GPM6A: variants seen among roughly 807,000 people sequenced by gnomAD.
GPM6A encodes the protein neuronal membrane glycoprotein M6-a.
A neutral mutation model predicts 32.1 loss-of-function variants in GPM6A; 7 were observed. The ratio of observed to expected loss-of-function variants is 0.22; its 90% CI spans 0.12 to 0.41. The LOEUF is 0.41. Ranked by LOEUF, GPM6A falls within the 10% of genes least tolerant of loss-of-function variation. GPM6A has a pLI of 1.00. For synonymous variants in GPM6A, 130 were observed against 123.4 expected (o/e 1.05, Z -0.35); for missense variants, 235 against 347.2 (o/e 0.68, Z 2.57).
At chr4:175,794,403 C>A (rs533453440) in intron 1 of GPM6A, among the ~76,000 whole-genome samples, 1 of 152,282 alleles carries the variant, frequency 6.6e-6, no homozygotes, top group African/African-American at 2.4e-5. Flanking sequence ...TTTGGATCTT[C>A]TGTAGTTTAA....
At chr4:175,855,427 A>C (rs1365989889) in intron 1 of GPM6A, among the ~76,000 whole-genome samples, 1 of 152,232 alleles carries the variant, frequency 6.6e-6, no homozygotes, top group African/African-American at 2.4e-5. Context: ...GCAGACTGTT[A>C]CAAGAGAATC....
chr4:175,707,634 A>C (rs770679359), intron 1 of GPM6A, among the ~76,000 whole-genome samples: 1 of 151,008 alleles, frequency 6.6e-6, no homozygotes, highest in South Asian at 2.1e-4. Context: ...TTTGGGCTTT[A>C]TTTCTTTTTT....
intron 1 of GPM6A, among the ~76,000 whole-genome samples, chr4:175,753,720 T>G (rs1413749496): frequency 6.6e-6 from 1 of 152,182 alleles, no homozygotes; most frequent in Non-Finnish European, 1.5e-5. Flanking sequence ...CTTTCTTTAC[T>G]TTCCAACCCA....
At chr4:175,860,124 G>A (rs935410292) in intron 1 of GPM6A, among the ~76,000 whole-genome samples, 8 of 151,714 alleles carry the variant, frequency 5.3e-5, no homozygotes, top group Non-Finnish European at 8.8e-5. Context: ...AAACTAAGCT[G>A]TTGTCTTGAG....
At chr4:175,636,088 C>T (rs977245729) in intron 6 of GPM6A, among the ~76,000 whole-genome samples, 11 of 151,376 alleles carry the variant, frequency 7.3e-5, no homozygotes, top group African/African-American at 2.2e-4. Context: ...AATTTTGACA[C>T]GGGATGTAGG....
At chr4:175,986,827 T>C (rs1165610175) in intron 1 of GPM6A, among the ~76,000 whole-genome samples, 1 of 152,168 alleles carries the variant, frequency 6.6e-6, no homozygotes, top group East Asian at 1.9e-4. Context: ...TGAGCTCTTG[T>C]TGATCAATGC....
chr4:175,655,176 C>T (rs761436845), intron 3 of GPM6A, among the ~76,000 whole-genome samples: 11 of 152,028 alleles, frequency 7.2e-5, no homozygotes, highest in East Asian at 1.9e-4. Flanking sequence ...TAAATCAGTG[C>T]GGTGAGAAAA....
chr4:175,901,153 TTGGGGGCAGCAGAGG>T (rs2111491083), intron 1 of GPM6A, among the ~76,000 whole-genome samples: 1 of 143,396 alleles, frequency 7.0e-6, no homozygotes, highest in African/African-American at 2.6e-5. Flanking sequence ...GAGGGCGAAG[TTGGGGGCAGCAGAGG>T]TGGGGGTGGT....
At chr4:175,864,913 C>A (rs553371555) in intron 1 of GPM6A, among the ~76,000 whole-genome samples, 6 of 151,946 alleles carry the variant, frequency 3.9e-5, no homozygotes, top group Admixed American at 1.3e-4. Context: ...TCAAGCAATT[C>A]TCCTGCCTCA....
At chr4:175,962,684 G>A (rs1740205144) in intron 1 of GPM6A, among the ~76,000 whole-genome samples, 1 of 152,052 alleles carries the variant, frequency 6.6e-6, no homozygotes. Context: ...AGTAAACACG[G>A]CCTAATTCCT....
At chr4:175,990,820 A>T (rs1404265634) in intron 1 of GPM6A, among the ~76,000 whole-genome samples, 1 of 152,080 alleles carries the variant, frequency 6.6e-6, no homozygotes, top group South Asian at 2.1e-4. Context: ...ACCAGGATGT[A>T]TTTATCATAT....
In GPM6A at chr4:175,694,985, A is replaced by T. The variant is rs938269071; in HGVS notation, c.230+6590T>A. ...CTCCAGCCATGGCTAAAAGACCCCC[A>T]AGTATACAACTCGGGCCACTGCTTC... On this transcript the variant is annotated intron_variant, in intron 2 of 6. Transcript: ENST00000393658. 2.6e-5 allele frequency among the ~76,000 whole-genome samples: 4 copies of T among 152,230 alleles called. No individual in the cohort carries two copies. In the South Asian group the frequency reaches 6.2e-4, roughly 24 times the overall value.
intron 1 of GPM6A, among the ~76,000 whole-genome samples, chr4:175,798,896 C>A (rs1335609384): frequency 6.6e-6 from 1 of 152,020 alleles, no homozygotes; most frequent in African/African-American, 2.4e-5. Flanking sequence ...TTATATTGCA[C>A]CAAAAGAGGT....
intron 1 of GPM6A, among the ~76,000 whole-genome samples, chr4:175,708,112 A>G (rs929499616): frequency 2.0e-5 from 3 of 146,986 alleles, no homozygotes; most frequent in Non-Finnish European, 4.6e-5. Context: ...AAGTAAACAA[A>G]ATCAATGAAA....
At chr4:175,778,646 A>T (rs1467150213) in intron 1 of GPM6A, among the ~76,000 whole-genome samples, 1 of 148,736 alleles carries the variant, frequency 6.7e-6, no homozygotes, top group Admixed American at 6.7e-5. Flanking sequence ...AAAAAAAAAA[A>T]AAAAGAAAAA....
chr4:175,826,832 A>C (rs1735454559), intron 1 of GPM6A, among the ~76,000 whole-genome samples: 1 of 152,178 alleles, frequency 6.6e-6, no homozygotes, highest in African/African-American at 2.4e-5. Context: ...GAAAAAAAAA[A>C]GAGTCCTAAT....
chr4:175,896,199 C>T (rs1294340603), intron 1 of GPM6A, among the ~76,000 whole-genome samples: 2 of 152,082 alleles, frequency 1.3e-5, no homozygotes, highest in East Asian at 3.9e-4. Flanking sequence ...GATGAAGTCT[C>T]AGGGGGTTTT....
intron 1 of GPM6A, among the ~76,000 whole-genome samples, chr4:175,825,616 C>T (rs1208600380): frequency 6.6e-6 from 1 of 152,094 alleles, no homozygotes; most frequent in Non-Finnish European, 1.5e-5. Context: ...CTTGTGTTGT[C>T]AACCTAAAGA....
chr4:175,794,882 A>G (rs1442500327), intron 1 of GPM6A, among the ~76,000 whole-genome samples: 2 of 152,232 alleles, frequency 1.3e-5, no homozygotes, highest in African/African-American at 4.8e-5. Flanking sequence ...TAATGGATTT[A>G]ATTTTATAGG....
Sources: gnomAD v4.1 joint callset for allele counts (sites outside exome capture counted in the v4.1 genomes callset) on GRCh38, gnomAD v4.1.1 for gene constraint, MANE v1.5 for transcripts, NCBI Gene and HGNC (gene_info 2026-07-23, HGNC 2026-07-21) for gene names.